Variants in FHIT observed in about 807,000 individuals in gnomAD.
FHIT encodes fragile histidine triad diadenosine triphosphatase, also known as bis(5'-adenosyl)-triphosphatase.
In FHIT, 19 loss-of-function variants were observed where a neutral mutation model predicts 17.9. The observed-to-expected ratio is 1.06, with a 90% confidence interval of 0.74 to 1.56. The LOEUF is 1.56. Among genes scored for constraint, FHIT ranks in the 40% most tolerant of loss-of-function variants. FHIT has a pLI of 0.00. For missense variants in FHIT, 248 were observed against 189.2 expected (o/e 1.31, Z -1.82); for synonymous variants, 81 against 69.7 (o/e 1.16, Z -0.81).
intron 2 of FHIT, among the ~76,000 whole-genome samples, chr3:61,052,331 G>C (rs1043162245): frequency 6.6e-6 from 1 of 152,192 alleles, no homozygotes; most frequent in South Asian, 2.1e-4. Flanking sequence ...TTTCAGGATA[G>C]AGAGTATGAC....
intron 3 of FHIT, among the ~76,000 whole-genome samples, chr3:60,863,202 C>G (rs1387975040): frequency 2.0e-5 from 3 of 152,150 alleles, no homozygotes; most frequent in African/African-American, 4.8e-5. Context: ...CCTGAGGGAG[C>G]TAAGGGTGGA....
intron 8 of FHIT, among the ~76,000 whole-genome samples, chr3:59,785,894 C>T (rs1375164962): frequency 4.6e-5 from 7 of 152,112 alleles, no homozygotes; most frequent in African/African-American, 9.7e-5. Flanking sequence ...GATGTCACCC[C>T]GCCAAAATTT....
intron 2 of FHIT, among the ~76,000 whole-genome samples, chr3:61,127,437 G>T (rs1402808471): frequency 6.6e-6 from 1 of 152,178 alleles, no homozygotes; most frequent in African/African-American, 2.4e-5. Context: ...ATGTTAATTG[G>T]CAAATAAAAT....
chr3:60,564,322 G>A (rs1227419313), intron 4 of FHIT, among the ~76,000 whole-genome samples: 1 of 152,086 alleles, frequency 6.6e-6, no homozygotes, highest in Non-Finnish European at 1.5e-5. Flanking sequence ...GTCACCCAAG[G>A]GCTCTGATAG....
chr3:60,054,573 C>T (rs1363515442), intron 5 of FHIT, among the ~76,000 whole-genome samples: 1 of 152,142 alleles, frequency 6.6e-6, no homozygotes, highest in Non-Finnish European at 1.5e-5. Flanking sequence ...TTCTTTCAGC[C>T]TCTTAACAGC....
At chr3:60,267,337 G>A (rs908332602) in intron 5 of FHIT, among the ~76,000 whole-genome samples, 1 of 151,660 alleles carries the variant, frequency 6.6e-6, no homozygotes, top group Non-Finnish European at 1.5e-5. Context: ...CACAATAAAT[G>A]GGAAATGCTT....
intron 4 of FHIT, among the ~76,000 whole-genome samples, chr3:60,622,946 C>T (rs57203106): frequency 0.016 from 2,375 of 152,304 alleles, 69 homozygotes; most frequent in African/African-American, 0.055. Context: ...ATAATTCAGA[C>T]GGTACACACA....
chr3:60,106,959 T>C (rs574027927), intron 5 of FHIT, among the ~76,000 whole-genome samples: 34 of 152,238 alleles, frequency 2.2e-4, no homozygotes, highest in African/African-American at 7.7e-4. Flanking sequence ...AACTTTTTTA[T>C]TGTAAGCCTT....
chr3:60,403,039 T>C (rs1017080647), intron 5 of FHIT, among the ~76,000 whole-genome samples: 1 of 152,234 alleles, frequency 6.6e-6, no homozygotes, highest in African/African-American at 2.4e-5. Flanking sequence ...ACTGGTTCTC[T>C]GCTTTAGCAT....
At chr3:60,439,846 A>G (rs181512373) in intron 5 of FHIT, among the ~76,000 whole-genome samples, 19 of 152,224 alleles carry the variant, frequency 1.2e-4, no homozygotes, top group African/African-American at 4.6e-4. Flanking sequence ...GGCTTGTTCA[A>G]AAGTACACCC....
intron 3 of FHIT, among the ~76,000 whole-genome samples, chr3:61,013,665 T>C (rs78936077): frequency 0.023 from 3,479 of 152,274 alleles, 64 homozygotes; most frequent in African/African-American, 0.05. Context: ...AATGCCATCA[T>C]GATATCAGAG....
At chr3:60,674,886 T>C (rs2040587426) in intron 4 of FHIT, among the ~76,000 whole-genome samples, 1 of 152,188 alleles carries the variant, frequency 6.6e-6, no homozygotes. Flanking sequence ...CCATGTACAC[T>C]ACCTCCACAT....
At chr3:60,763,210 A>T (rs1553720499) in intron 4 of FHIT, among the ~76,000 whole-genome samples, 1 of 152,198 alleles carries the variant, frequency 6.6e-6, no homozygotes, top group East Asian at 1.9e-4. Context: ...GTGTTAAGTT[A>T]CAAAGCCCAA....
At chr3:60,324,097 A>C (rs190163267) in intron 5 of FHIT, among the ~76,000 whole-genome samples, 18 of 152,290 alleles carry the variant, frequency 1.2e-4, no homozygotes, top group East Asian at 5.8e-4. Context: ...TTGTATTAGG[A>C]TACACCAGGC....
intron 4 of FHIT, among the ~76,000 whole-genome samples, chr3:60,684,326 C>G (rs1433141574): frequency 3.9e-5 from 6 of 151,998 alleles, no homozygotes; most frequent in Non-Finnish European, 5.9e-5. Flanking sequence ...CTGCAAGGAC[C>G]ATTTTTTTTG....
chr3:60,867,477 T>C (rs1217785041), intron 3 of FHIT, among the ~76,000 whole-genome samples: 1 of 152,164 alleles, frequency 6.6e-6, no homozygotes, highest in African/African-American at 2.4e-5. Flanking sequence ...GTGAGCTGAA[T>C]TGATCAGGGC....
At chr3:60,544,811 G>T (rs1373410032) in intron 4 of FHIT, among the ~76,000 whole-genome samples, 1 of 151,792 alleles carries the variant, frequency 6.6e-6, no homozygotes, top group East Asian at 1.9e-4. Context: ...TGGCCAGGCT[G>T]GTCTCGAACT....
chr3:60,755,806 C>A (rs1450423184), intron 4 of FHIT, among the ~76,000 whole-genome samples: 4 of 152,140 alleles, frequency 2.6e-5, no homozygotes, highest in Admixed American at 6.6e-5. Flanking sequence ...GAAGTCCCAG[C>A]AAGGAGGGAC....
intron 3 of FHIT, among the ~76,000 whole-genome samples, chr3:60,916,696 A>T (rs1378441623): frequency 3.3e-5 from 5 of 152,194 alleles, no homozygotes; most frequent in Non-Finnish European, 4.4e-5. Context: ...ATGGCTGAAT[A>T]TTTTTACATA....
Sources: allele counts gnomAD v4.1 joint callset (sites outside exome capture counted in the v4.1 genomes callset), GRCh38; gene constraint gnomAD v4.1.1; transcripts MANE v1.5; gene names NCBI Gene and HGNC (gene_info 2026-07-23, HGNC 2026-07-21).